Variants in NRG3 observed in about 807,000 individuals in gnomAD.
NRG3 encodes pro-neuregulin-3, membrane-bound isoform.
In NRG3, 31 loss-of-function variants were observed where a neutral mutation model predicts 66.9. The ratio of observed to expected loss-of-function variants is 0.46; its 90% CI spans 0.35 to 0.63. NRG3 has a LOEUF of 0.63. Ranked by LOEUF, NRG3 falls within the 20% of genes least tolerant of loss-of-function variation. The pLI, the probability that NRG3 is intolerant of heterozygous loss-of-function variation, is 0.00. For missense variants in NRG3, 910 were observed against 878.9 expected, an observed-to-expected ratio of 1.04 and a Z score of -0.45; for synonymous variants, 393 against 359.4, an observed-to-expected ratio of 1.09 and a Z score of -1.06.
Position 82,304,983 on chromosome 10 carries a change from C to CTTTT in NRG3, c.824-53730_824-53727dup, listed in dbSNP as rs760661674. On this transcript the variant is annotated intron_variant, in intron 1 of 8. Coordinates refer to ENST00000372141, the MANE Select transcript of NRG3 (RefSeq NM_001010848.4). ...ATGTTTATTAAGTCATCAGATTCCT[C>CTTTT]TTTTTTTTTTTTTTTTTTTTTTTTT... 2.4e-4 allele frequency among the ~76,000 whole-genome samples: 18 copies of CTTTT among 73,866 alleles called. 2 individuals are homozygous for CTTTT. Among genetic ancestry groups the CTTTT allele is most frequent in the African/African-American group, 3.2e-4 (5 of 15,734 alleles). 48.5% of individuals were successfully genotyped at this position (73,866 alleles called of 152,430 possible).
At chr10:82,976,302 C>A (rs550683508) in intron 7 of NRG3, among the ~76,000 whole-genome samples, 7 of 152,090 alleles carry the variant, frequency 4.6e-5, no homozygotes, top group Non-Finnish European at 8.8e-5. Context: ...GTGATCCGCC[C>A]GCCTCAGCCT....
At chr10:82,278,832 C>A (rs1041275571) in intron 1 of NRG3, among the ~76,000 whole-genome samples, 1 of 152,108 alleles carries the variant, frequency 6.6e-6, no homozygotes, top group Non-Finnish European at 1.5e-5. Context: ...CACCTCCTCA[C>A]GGAGCTCTCT....
intron 4 of NRG3, among the ~76,000 whole-genome samples, chr10:82,897,247 G>GA (rs1462109107): frequency 2.6e-5 from 4 of 152,006 alleles, no homozygotes. Flanking sequence ...CACCTTTTGA[G>GA]AAAAAAATAG....
At chr10:82,323,417 A>G (rs1427605360) in intron 1 of NRG3, among the ~76,000 whole-genome samples, 1 of 152,224 alleles carries the variant, frequency 6.6e-6, no homozygotes, top group African/African-American at 2.4e-5. Context: ...TGTTTTTCTT[A>G]AAATATGTTA....
chr10:82,838,200 A>G (rs2062874423), intron 3 of NRG3, among the ~76,000 whole-genome samples: 1 of 152,160 alleles, frequency 6.6e-6, no homozygotes, highest in Admixed American at 6.6e-5. Flanking sequence ...GCTGATACAT[A>G]CAGAGGGAAG....
intron 1 of NRG3, among the ~76,000 whole-genome samples, chr10:81,964,929 A>G (rs2059675461): frequency 6.6e-6 from 1 of 152,168 alleles, no homozygotes; most frequent in Non-Finnish European, 1.5e-5. Flanking sequence ...AGAAGTGTAT[A>G]TGTTTTCTTG....
At chr10:82,178,415 C>T (rs1377541691) in intron 1 of NRG3, among the ~76,000 whole-genome samples, 2 of 152,078 alleles carry the variant, frequency 1.3e-5, no homozygotes, top group Non-Finnish European at 2.9e-5. Context: ...AAAAATCATT[C>T]TACTTTCTGC....
intron 1 of NRG3, among the ~76,000 whole-genome samples, chr10:82,035,507 G>C (rs1327400382): frequency 3.3e-5 from 5 of 152,008 alleles, no homozygotes. Flanking sequence ...TGTAGCCTAG[G>C]CATCTTATTA....
At chr10:82,049,619 A>G (rs2063492075) in intron 1 of NRG3, among the ~76,000 whole-genome samples, 1 of 151,932 alleles carries the variant, frequency 6.6e-6, no homozygotes, top group African/African-American at 2.4e-5. Context: ...TTTTTATGTG[A>G]GATTTTTGTG....
chr10:82,635,982 T>A (rs1387125662), intron 2 of NRG3, among the ~76,000 whole-genome samples: 4 of 152,094 alleles, frequency 2.6e-5, no homozygotes, highest in Non-Finnish European at 4.4e-5. Context: ...GTGCGTAGTG[T>A]CAAAGTCCAA....
At chr10:82,676,850 T>G (rs1488212139) in intron 2 of NRG3, among the ~76,000 whole-genome samples, 1 of 152,032 alleles carries the variant, frequency 6.6e-6, no homozygotes, top group African/African-American at 2.4e-5. Context: ...TTTTTTCTAT[T>G]GTAGTTTGGA....
At chr10:82,519,220 A>C (rs748530337) in intron 2 of NRG3, among the ~76,000 whole-genome samples, 6 of 152,076 alleles carry the variant, frequency 3.9e-5, no homozygotes, top group Non-Finnish European at 8.8e-5. Flanking sequence ...GTGTTCAGAG[A>C]GTTCTTAGGA....
At chr10:82,013,138 T>G (rs1415814319) in intron 1 of NRG3, among the ~76,000 whole-genome samples, 1 of 152,190 alleles carries the variant, frequency 6.6e-6, no homozygotes, top group Non-Finnish European at 1.5e-5. Context: ...GGACTCACAG[T>G]TCCTCATGGC....
intron 2 of NRG3, among the ~76,000 whole-genome samples, chr10:82,602,991 T>A (rs2133414057): frequency 6.6e-6 from 1 of 152,298 alleles, no homozygotes; most frequent in South Asian, 2.1e-4. Context: ...AGTTGATGAA[T>A]AAGAAGTAGA....
chr10:82,273,716 A>C (rs2078710854), intron 1 of NRG3, among the ~76,000 whole-genome samples: 1 of 152,078 alleles, frequency 6.6e-6, no homozygotes, highest in Non-Finnish European at 1.5e-5. Context: ...CTTTGAAAGA[A>C]TAATAGTGAT....
At chr10:82,086,429 A>G (rs1248540416) in intron 1 of NRG3, among the ~76,000 whole-genome samples, 2 of 151,812 alleles carry the variant, frequency 1.3e-5, no homozygotes, top group Non-Finnish European at 2.9e-5. Context: ...TAAAGACTGT[A>G]CTCCTCTCCT....
intron 8 of NRG3, chr10:82,984,769 A>T (rs1274673597): frequency 6.4e-7 from 1 of 1,551,640 alleles, no homozygotes; most frequent in Non-Finnish European, 8.7e-7. Flanking sequence ...ATCCCCATTT[A>T]CTTTGTATTC....
intron 1 of NRG3, among the ~76,000 whole-genome samples, chr10:82,256,015 C>T (rs1284896936): frequency 2.0e-5 from 3 of 152,106 alleles, no homozygotes; most frequent in African/African-American, 7.2e-5. Flanking sequence ...CCTCCATCTC[C>T]TGGGTTCAAG....
intron 1 of NRG3, among the ~76,000 whole-genome samples, chr10:81,912,852 G>T (rs184437038): frequency 7.2e-5 from 11 of 152,296 alleles, no homozygotes; most frequent in Admixed American, 7.2e-4. Context: ...GGTGGGCAGG[G>T]ATCAGATCAT....
Sources: gnomAD v4.1 joint callset for allele counts (sites outside exome capture counted in the v4.1 genomes callset) on GRCh38, gnomAD v4.1.1 for gene constraint, MANE v1.5 for transcripts, NCBI Gene and HGNC (gene_info 2026-07-23, HGNC 2026-07-21) for gene names.